The following RHPN2 variants were observed in gnomAD, a reference collection of about 807,000 sequenced individuals.
RHPN2 encodes the protein rhophilin-2.
Under a neutral mutation model 79.0 loss-of-function variants are expected in RHPN2, and 40 were observed. That is an observed-to-expected ratio of 0.51 (90% CI 0.39 to 0.66). RHPN2 has a LOEUF of 0.66. Among genes scored for constraint, RHPN2 ranks in the 30% least tolerant of loss-of-function variants. The pLI, the probability that RHPN2 is intolerant of heterozygous loss-of-function variation, is 0.00. For synonymous variants in RHPN2, 285 were observed against 363.5 expected, an observed-to-expected ratio of 0.78 and a Z score of 2.46; for missense variants, 686 against 883.5, an observed-to-expected ratio of 0.78 and a Z score of 2.83.
intron 1 of RHPN2, among the ~76,000 whole-genome samples, chr19:33,058,061 G>A (rs1972248763): frequency 1.3e-5 from 2 of 152,168 alleles, no homozygotes; most frequent in South Asian, 4.1e-4. Flanking sequence ...TTGGGAGGCT[G>A]AGGCAGGAGT....
intron 1 of RHPN2, chr19:33,051,605 C>A: frequency 1.1e-5 from 2 of 180,424 alleles, no homozygotes; most frequent in South Asian, 1.1e-4. Context: ...AATGTGTGCC[C>A]AGAGAAAAGC....
chr19:33,025,996 T>TTTG (rs71176186), intron 3 of RHPN2, among the ~76,000 whole-genome samples: 4 of 149,694 alleles, frequency 2.7e-5, no homozygotes, highest in African/African-American at 9.9e-5. Flanking sequence ...TTTTTTTTTT[T>TTTG]GTCTGTTTGT....
rs138397843 is a variant in RHPN2, at chr19:33,021,460, G to A, written c.390+111C>T. ...CAGCCTCCAGTTCCTGGGCTCAAGC[G>A]ATCCTCTTGCCTCAGCCTCCCAAGT... On this transcript the variant is annotated intron_variant, in intron 4 of 14. Transcript: ENST00000254260. 4.4e-4 allele frequency: 376 copies of A among 853,730 alleles called. 3 individuals carry two copies. In the East Asian group the frequency reaches 8.8e-3, roughly 20 times the overall value. 52.9% of individuals were successfully genotyped at this position (853,730 alleles called of 1,614,324 possible).
chr19:32,994,895 T>C (rs940116890), intron 11 of RHPN2, among the ~76,000 whole-genome samples: 26 of 152,086 alleles, frequency 1.7e-4, no homozygotes, highest in African/African-American at 6.0e-4. Flanking sequence ...GAGGTTGCAG[T>C]GAGCTGAGAT....
At chr19:33,040,453 T>A (rs1056167094) in intron 2 of RHPN2, among the ~76,000 whole-genome samples, 1 of 152,014 alleles carries the variant, frequency 6.6e-6, no homozygotes, top group African/African-American at 2.4e-5. Flanking sequence ...TTGGCCAGGA[T>A]GGTCTCGATC....
chr19:33,005,127 A>G lies in RHPN2; in HGVS notation c.761-2127T>C, dbSNP rs1004930532. ...TTCCCCTGGACCTCAAGAAAGATCT[A>G]TTCTGGCCAGGCGTGGTGGCTCATG... On this transcript the variant is annotated intron_variant, in intron 7 of 14. Transcript: ENST00000254260. Among the ~76,000 whole-genome samples the G allele has an allele frequency of 3.3e-5, 5 of 151,438 alleles. 1 individual carries two copies. Among genetic ancestry groups the G allele is most frequent in the African/African-American group, 1.2e-4 (5 of 41,256 alleles).
At chr19:33,041,609 A>G (rs182504306) in intron 2 of RHPN2, among the ~76,000 whole-genome samples, 1 of 152,286 alleles carries the variant, frequency 6.6e-6, no homozygotes, top group African/African-American at 2.4e-5. Context: ...GTTGTCGTTA[A>G]GAGAACAAGG....
intron 11 of RHPN2, among the ~76,000 whole-genome samples, chr19:32,995,757 G>T (rs1971695235): frequency 6.6e-6 from 1 of 152,152 alleles, no homozygotes; most frequent in African/African-American, 2.4e-5. Flanking sequence ...TCCTCGGGAG[G>T]CTGAGGCAGA....
chr19:33,016,845 G>A (rs1568317007), intron 4 of RHPN2, among the ~76,000 whole-genome samples: 1 of 152,180 alleles, frequency 6.6e-6, no homozygotes, highest in Non-Finnish European at 1.5e-5. Context: ...AATATGGAAG[G>A]GAAAAAATAC....
intron 11 of RHPN2, among the ~76,000 whole-genome samples, chr19:32,995,058 C>T (rs1971689867): frequency 6.6e-6 from 1 of 152,042 alleles, no homozygotes; most frequent in South Asian, 2.1e-4. Context: ...CCTGGGATAC[C>T]GTGCTTTCTG....
intron 1 of RHPN2, among the ~76,000 whole-genome samples, chr19:33,063,412 A>G (rs1972298354): frequency 6.6e-6 from 1 of 152,202 alleles, no homozygotes; most frequent in African/African-American, 2.4e-5. Context: ...GAAGATGCCA[A>G]GACCATTTAA....
chr19:33,019,590 A>G (rs1286529729), intron 4 of RHPN2, among the ~76,000 whole-genome samples: 1 of 149,620 alleles, frequency 6.7e-6, no homozygotes, highest in Non-Finnish European at 1.5e-5. Flanking sequence ...AATAAAAAAG[A>G]AAGAAAGAAA....
At chr19:33,009,080 A>G (rs1971816393) in intron 6 of RHPN2, among the ~76,000 whole-genome samples, 1 of 152,126 alleles carries the variant, frequency 6.6e-6, no homozygotes, top group Non-Finnish European at 1.5e-5. Context: ...GAGACAGAAG[A>G]AAGATCAGGG....
intron 14 of RHPN2, among the ~76,000 whole-genome samples, chr19:32,980,771 G>A (rs1971567558): frequency 6.6e-6 from 1 of 152,022 alleles, no homozygotes; most frequent in African/African-American, 2.4e-5. Context: ...TTCCTGCCTT[G>A]GCCTCCTGAG....
In RHPN2 at chr19:33,036,268, G is replaced by T. The variant is rs145024709; in HGVS notation, c.185+7981C>A. ...AGTGGCACAATCTTGGGAGGCTGAG[G>T]CAGGAGGATTACTTGAGGCCAGGAG... On this transcript the variant is annotated intron_variant, in intron 2 of 14. Coordinates refer to ENST00000254260, the MANE Select transcript of RHPN2 (RefSeq NM_033103.5). 2.5e-3 allele frequency among the ~76,000 whole-genome samples: 379 copies of T among 151,738 alleles called. 4 individuals are homozygous for T. The highest frequency in any genetic ancestry group is 8.6e-3 in the African/African-American group (356 of 41,360).
At position 33,011,687 on chromosome 19, in the gene RHPN2, C is replaced by T. The variant is rs1186351394; in HGVS notation, c.585G>A (p.Leu195=). 1 of 1,613,962 alleles carries T rather than the reference C, an allele frequency of 6.2e-7. No individual in the cohort carries two copies. Among genetic ancestry groups the T allele is most frequent in the South Asian group, 1.1e-5 (1 of 91,080 alleles). ...FFPPTRQMGL[L]FTWYDSLTGV... ...AGACCTCAAGCACCTACCAGGTGAACAGGAGTCCCATCTGCCGTGTGGGCG... is the reference window on the plus strand; with the variant it reads ...AGACCTCAAGCACCTACCAGGTGAATAGGAGTCCCATCTGCCGTGTGGGCG... The change falls in exon 6 of 15, where the codon CTG becomes CTA. Residue 195 remains leucine, a synonymous_variant. Transcript: ENST00000254260.
chr19:32,993,117 C>CT (rs1568310522), intron 12 of RHPN2, among the ~76,000 whole-genome samples: 1 of 51,680 alleles, frequency 1.9e-5, no homozygotes, highest in African/African-American at 2.7e-4. Context: ...GACCATGTCT[C>CT]TAAAAAAACT....
intron 1 of RHPN2, among the ~76,000 whole-genome samples, chr19:33,052,975 CT>C (rs34864343): frequency 0.045 from 6,651 of 146,242 alleles, 458 homozygotes; most frequent in East Asian, 0.33. Context: ...TGCTGAATAA[CT>C]TTTTTTTTTT....
intron 2 of RHPN2, among the ~76,000 whole-genome samples, chr19:33,031,929 A>G (rs1351795589): frequency 1.3e-5 from 2 of 150,456 alleles, no homozygotes; most frequent in Non-Finnish European, 3.0e-5. Flanking sequence ...CATGTTAGCC[A>G]GGATGGTCTT....
Sources: allele counts gnomAD v4.1 joint callset (sites outside exome capture counted in the v4.1 genomes callset), GRCh38; gene constraint gnomAD v4.1.1; transcripts MANE v1.5; gene names NCBI Gene and HGNC (gene_info 2026-07-23, HGNC 2026-07-21).